Variants in ARID4B observed in about 807,000 individuals in gnomAD.
The protein encoded by ARID4B is AT-rich interaction domain 4B, also known as AT-rich interactive domain-containing protein 4B.
In ARID4B, 26 loss-of-function variants were observed where a neutral mutation model predicts 147.5. The ratio of observed to expected loss-of-function variants is 0.18; its 90% confidence interval spans 0.13 to 0.24. ARID4B has a LOEUF of 0.24. Among genes scored for constraint, ARID4B ranks in the 10% least tolerant of loss-of-function variants. The probability of loss-of-function intolerance (pLI) is 1.00; values close to 1 mark genes in which losing one functional copy is unlikely to be tolerated. For missense variants in ARID4B, 1,179 were observed against 1,511.5 expected (o/e 0.78, Z 3.65); for synonymous variants, 512 against 507.9 (o/e 1.01, Z -0.11).
chr1:235,240,556 C>A (rs1668916065), intron 7 of ARID4B, 105 bp from the exon 8 acceptor site: 1 of 1,023,026 alleles, frequency 9.8e-7, no homozygotes, highest in Non-Finnish European at 1.5e-6. Context: ...TTCCTAAGAC[C>A]TGTAAAATGG....
intron 17 of ARID4B, among the ~76,000 whole-genome samples, chr1:235,196,332 C>T (rs1410587100): frequency 6.6e-5 from 10 of 152,108 alleles, no homozygotes. Context: ...ACTGGCCGAG[C>T]CAAGACTAGA....
chr1:235,169,445 G>A (rs978554489), intron 23 of ARID4B, among the ~76,000 whole-genome samples: 24 of 151,906 alleles, frequency 1.6e-4, no homozygotes, highest in African/African-American at 5.1e-4. Flanking sequence ...GTTTCACCAT[G>A]TTAGCCAGGA....
chr1:235,324,755 G>A (rs1572247841), intron 2 of ARID4B, among the ~76,000 whole-genome samples: 1 of 152,234 alleles, frequency 6.6e-6, no homozygotes, highest in African/African-American at 2.4e-5. Flanking sequence ...TGGGCAACAC[G>A]GCAAAACCTC....
chr1:235,258,890 A>G (rs1670138175), intron 3 of ARID4B, among the ~76,000 whole-genome samples: 2 of 152,234 alleles, frequency 1.3e-5, no homozygotes. Flanking sequence ...CTTAGCACAT[A>G]GTAAATGTTC....
chr1:235,277,594 TTGTGTGTGTG>T (rs71576468), intron 2 of ARID4B, among the ~76,000 whole-genome samples: 22,786 of 129,466 alleles, frequency 0.18, 2,463 homozygotes, highest in South Asian at 0.3. Flanking sequence ...ATGCCTTATA[TTGTGTGTGTG>T]TGTGTGTGTG....
chr1:235,252,924 G>T, intron 5 of ARID4B, 115 bp from the exon 6 acceptor site: 1 of 689,196 alleles, frequency 1.5e-6, no homozygotes, highest in East Asian at 2.9e-5. Context: ...ACTACATTTG[G>T]AATTCAATTC....
intron 2 of ARID4B, among the ~76,000 whole-genome samples, chr1:235,302,153 G>GAAAAAAAAAAAAAAAAAAAAAAAAAAGA (rs749154889): frequency 3.3e-5 from 1 of 30,666 alleles, no homozygotes; most frequent in Admixed American, 6.2e-4. Context: ...TCAAAAAACG[G>GAAAAAAAAAAAAAAAAAAAAAAAAAAGA]AAAAAAAAAA....
At chr1:235,281,559 A>G (rs1671674766) in intron 2 of ARID4B, among the ~76,000 whole-genome samples, 1 of 152,096 alleles carries the variant, frequency 6.6e-6, no homozygotes, top group Non-Finnish European at 1.5e-5. Context: ...TCAAAAAAAC[A>G]GCTGAGCGTG....
intron 17 of ARID4B, among the ~76,000 whole-genome samples, chr1:235,197,483 T>A (rs553902412): frequency 3.5e-4 from 53 of 152,302 alleles, no homozygotes; most frequent in African/African-American, 9.6e-4. Flanking sequence ...TTGTAGCCAG[T>A]AAAAGCCAGA....
At chr1:235,222,761 T>C (rs1667557285) in intron 13 of ARID4B, among the ~76,000 whole-genome samples, 3 of 151,488 alleles carry the variant, frequency 2.0e-5, no homozygotes, top group African/African-American at 7.3e-5. Context: ...TGGTTCACTG[T>C]AATCTCTGTC....
At position 235,213,963 on chromosome 1, in the gene ARID4B, TTCCTCC is replaced by T. The variant is rs10588817; in HGVS notation, c.1641_1646del (p.Glu552_Glu553del). 2.0e-5 allele frequency: 31 copies of T among 1,577,384 alleles called. No individual in the cohort carries two copies. The highest frequency in any genetic ancestry group is 2.3e-5 in the Non-Finnish European group (26 of 1,147,436). ...CATCATCTTCATCCTCTTCTTCTTC[TTCCTCC>T]TCCTCCTCCTCTTCTGCTTCTTCAT... On this transcript the variant is annotated inframe_deletion, in exon 17 of 24. Transcript: ENST00000264183.
intron 2 of ARID4B, among the ~76,000 whole-genome samples, chr1:235,273,912 GAACATAT>G: frequency 6.6e-6 from 1 of 152,232 alleles, no homozygotes; most frequent in Non-Finnish European, 1.5e-5. Flanking sequence ...CATGATGTAG[GAACATAT>G]CACTTACTGT....
At chr1:235,264,829 G>A (rs777614136) in intron 2 of ARID4B, among the ~76,000 whole-genome samples, 44 of 151,540 alleles carry the variant, frequency 2.9e-4, no homozygotes, top group Admixed American at 4.6e-4. Flanking sequence ...AGGCCAAGGC[G>A]GGTGGATTAC....
chr1:235,209,735 TG>T (rs1407215651), intron 17 of ARID4B, among the ~76,000 whole-genome samples: 1 of 151,866 alleles, frequency 6.6e-6, no homozygotes, highest in Admixed American at 6.6e-5. Flanking sequence ...GGCTAATTTT[TG>T]TATTTTTAGT....
At chr1:235,197,304 T>C (rs556285864) in intron 17 of ARID4B, among the ~76,000 whole-genome samples, 3 of 152,326 alleles carry the variant, frequency 2.0e-5, no homozygotes, top group Admixed American at 2.0e-4. Flanking sequence ...TAAATTAAAA[T>C]GTCCTCATTG....
intron 13 of ARID4B, 140 bp from the exon 14 acceptor site, chr1:235,221,802 C>T: frequency 3.3e-6 from 1 of 303,980 alleles, no homozygotes; most frequent in African/African-American, 2.4e-5. Flanking sequence ...TTGATAAATT[C>T]TAAATTTGGT....
At chr1:235,262,433 C>T (rs1033401797) in intron 2 of ARID4B, among the ~76,000 whole-genome samples, 2 of 152,112 alleles carry the variant, frequency 1.3e-5, no homozygotes, top group African/African-American at 4.8e-5. Context: ...TGGGAATATA[C>T]CCTTACAGAA....
chr1:235,315,874 T>C (rs1674389368), intron 2 of ARID4B, among the ~76,000 whole-genome samples: 1 of 152,168 alleles, frequency 6.6e-6, no homozygotes, highest in African/African-American at 2.4e-5. Context: ...ACATTTGTAA[T>C]AAATAGTTTC....
chr1:235,299,837 C>G (rs942454429), intron 2 of ARID4B, among the ~76,000 whole-genome samples: 3 of 152,156 alleles, frequency 2.0e-5, no homozygotes, highest in African/African-American at 7.2e-5. Context: ...GATTCTAAAG[C>G]TTCATTTAGG....
Sources: gnomAD v4.1 joint callset for allele counts (sites outside exome capture counted in the v4.1 genomes callset) on GRCh38, gnomAD v4.1.1 for gene constraint, MANE v1.5 for transcripts, NCBI Gene and HGNC (gene_info 2026-07-23, HGNC 2026-07-21) for gene names.